Variants in FUT8 observed in about 807,000 individuals in gnomAD.
FUT8 encodes fucosyltransferase 8.
In FUT8, 29 loss-of-function variants were observed where a neutral mutation model predicts 71.3. The observed-to-expected ratio is 0.41, with a 90% CI of 0.30 to 0.55. FUT8 has a LOEUF of 0.55. Ranked by LOEUF, FUT8 falls within the 20% of genes least tolerant of loss-of-function variation. The pLI, the probability that FUT8 is intolerant of heterozygous loss-of-function variation, is 0.34. For missense variants in FUT8, 544 were observed against 702.1 expected, an observed-to-expected ratio of 0.77 and a Z score of 2.55; for synonymous variants, 254 against 239.3, an observed-to-expected ratio of 1.06 and a Z score of -0.57.
chr14:65,632,999 T>TCCCCCCCC (rs1407705169), intron 6 of FUT8, among the ~76,000 whole-genome samples: 20 of 100,770 alleles, frequency 2.0e-4, no homozygotes, highest in African/African-American at 4.0e-4. Context: ...CTCTCCCCTC[T>TCCCCCCCC]CCCCTCCCCC....
At chr14:65,738,203 T>C (rs1896318650) in intron 10 of FUT8, among the ~76,000 whole-genome samples, 1 of 152,152 alleles carries the variant, frequency 6.6e-6, no homozygotes, top group South Asian at 2.1e-4. Context: ...CTGGGTCTTA[T>C]TCTCTTATTG....
At chr14:65,402,656 A>T in the FUT8 span, among the ~76,000 whole-genome samples, 3 of 113,632 alleles carry the variant, frequency 2.6e-5, no homozygotes, top group Non-Finnish European at 3.7e-5. Flanking sequence ...ACAGAGTGAG[A>T]CTCCGTCTAA....
chr14:65,412,188 C>T (rs1012917850), upstream of FUT8: 1 of 456,742 alleles, frequency 2.2e-6, no homozygotes, highest in Non-Finnish European at 4.4e-6. Flanking sequence ...TAAAGTAGGG[C>T]TTCGCTGAGT....
the FUT8 span, among the ~76,000 whole-genome samples, chr14:65,360,560 T>C: frequency 1.3e-5 from 2 of 152,230 alleles, no homozygotes; most frequent in East Asian, 3.8e-4. Flanking sequence ...TATCTAGCTA[T>C]CCACAAAGTA....
chr14:65,728,632 G>T (rs536787648), intron 9 of FUT8, among the ~76,000 whole-genome samples: 1 of 152,160 alleles, frequency 6.6e-6, no homozygotes, highest in Non-Finnish European at 1.5e-5. Context: ...CTGTATGATG[G>T]TAGTCCCATA....
At chr14:65,490,221 A>T (rs889313967) in intron 2 of FUT8, among the ~76,000 whole-genome samples, 1 of 152,040 alleles carries the variant, frequency 6.6e-6, no homozygotes, top group Non-Finnish European at 1.5e-5. Context: ...TTTAGTTGTA[A>T]AAGTTTTTGG....
chr14:65,719,809 C>T (rs533270071), intron 7 of FUT8, among the ~76,000 whole-genome samples: 4 of 152,318 alleles, frequency 2.6e-5, no homozygotes, highest in Admixed American at 2.6e-4. Flanking sequence ...CCCAAACAAA[C>T]GAGTCTCTGA....
intron 2 of FUT8, among the ~76,000 whole-genome samples, chr14:65,503,690 A>G (rs1341295291): frequency 6.6e-6 from 1 of 151,778 alleles, no homozygotes; most frequent in East Asian, 1.9e-4. Context: ...ACAGACCTAG[A>G]TTTTGAAAGG....
chr14:65,612,896 G>T (rs1889073952), intron 3 of FUT8, among the ~76,000 whole-genome samples: 2 of 152,166 alleles, frequency 1.3e-5, no homozygotes, highest in South Asian at 4.1e-4. Flanking sequence ...TGTATCTTTG[G>T]CATGGTGAAT....
intron 7 of FUT8, among the ~76,000 whole-genome samples, chr14:65,693,465 G>A (rs1893819077): frequency 6.6e-6 from 1 of 152,242 alleles, no homozygotes; most frequent in African/African-American, 2.4e-5. Context: ...GATGGCAGCA[G>A]TACAGTCCAG....
At chr14:65,384,717 A>G in the FUT8 span, among the ~76,000 whole-genome samples, 3 of 152,202 alleles carry the variant, frequency 2.0e-5, no homozygotes, top group African/African-American at 7.2e-5. This position sits in a 1 kb window ranked among gnomAD's most constrained non-coding sequence, Gnocchi z 4.2. Context: ...GTGCATTTAA[A>G]TGCATTTTCA....
In FUT8 at chr14:65,626,782, T is replaced by C. The variant is rs73268522; in HGVS notation, c.483-2710T>C. On this transcript the variant is annotated intron_variant, in intron 5 of 10. Coordinates refer to ENST00000673929, the MANE Select transcript of FUT8 (RefSeq NM_001371533.1). ...TTTATGTTTTTAGTTAATACAGTCA[T>C]TGTAAGTGATTTCTAGATGTGTAAT... Among the ~76,000 whole-genome samples the C allele has an allele frequency of 2.8e-3, 433 of 152,350 alleles. 2 individuals carry two copies. The highest frequency in any genetic ancestry group is 0.01 in the African/African-American group (420 of 41,578).
intron 6 of FUT8, among the ~76,000 whole-genome samples, chr14:65,651,926 T>C (rs1891430334): frequency 6.6e-6 from 1 of 152,108 alleles, no homozygotes; most frequent in Non-Finnish European, 1.5e-5. Flanking sequence ...CATATTTGTA[T>C]CATTGAAATC....
chr14:65,458,292 G>C (rs561151368), intron 2 of FUT8: 3 of 151,942 alleles, frequency 2.0e-5, no homozygotes, highest in African/African-American at 7.3e-5. Context: ...GATTAATAAC[G>C]TCAAGCCTCA....
At chr14:65,478,405 T>A (rs1267764958) in intron 2 of FUT8, among the ~76,000 whole-genome samples, 1 of 152,178 alleles carries the variant, frequency 6.6e-6, no homozygotes, top group Non-Finnish European at 1.5e-5. Flanking sequence ...GGATTTGAGA[T>A]GCTCAACTGG....
chr14:65,587,826 T>C (rs1887475142), intron 3 of FUT8, among the ~76,000 whole-genome samples: 1 of 152,210 alleles, frequency 6.6e-6, no homozygotes, highest in African/African-American at 2.4e-5. Context: ...TAATGACAAA[T>C]GTGAATTCTG....
intron 7 of FUT8, among the ~76,000 whole-genome samples, chr14:65,678,908 C>T (rs770488824): frequency 6.6e-6 from 1 of 152,126 alleles, no homozygotes; most frequent in Non-Finnish European, 1.5e-5. Flanking sequence ...AATGCCAGAC[C>T]AGCAGAGATT....
Position 65,612,788 on chromosome 14 carries a change from A to G in FUT8, c.204-3190A>G, listed in dbSNP as rs1271299096. On this transcript the variant is annotated intron_variant, in intron 3 of 10. Transcript: ENST00000673929. ...CACTGCCCTTTGTTGCCTGATTGCA[A>G]TTTTATTAGATCATTGTTTAATACA... Among the ~76,000 whole-genome samples, 4 of 152,222 alleles carry G rather than the reference A, an allele frequency of 2.6e-5. No homozygotes were observed. The East Asian group carries it at 5.8e-4, about 22-fold the overall frequency.
At chr14:65,565,609 C>T (rs771702805) in intron 3 of FUT8, among the ~76,000 whole-genome samples, 2 of 151,856 alleles carry the variant, frequency 1.3e-5, no homozygotes, top group African/African-American at 4.8e-5. Context: ...GTACCTGTAC[C>T]GTTTTGAAAT....
Sources: allele counts gnomAD v4.1 joint callset (sites outside exome capture counted in the v4.1 genomes callset), GRCh38; gene constraint gnomAD v4.1.1; non-coding constraint Gnocchi (gnomAD v3.1); transcripts MANE v1.5; gene names NCBI Gene and HGNC (gene_info 2026-07-23, HGNC 2026-07-21).